TTC29: variants seen among roughly 807,000 people sequenced by gnomAD.
TTC29 encodes tetratricopeptide repeat protein 29.
TTC29 carries 49 observed loss-of-function variants against 58.1 expected under a neutral mutation model. The ratio of observed to expected loss-of-function variants is 0.84; its 90% CI spans 0.67 to 1.07. The LOEUF is 1.07. Ranked by LOEUF, TTC29 falls within the 50% of genes least tolerant of loss-of-function variation. TTC29 has a pLI of 0.00. For missense variants in TTC29, 582 were observed against 555.6 expected (o/e 1.05, Z -0.48); for synonymous variants, 209 against 196.8 (o/e 1.06, Z -0.52).
intron 8 of TTC29, among the ~76,000 whole-genome samples, chr4:146,845,010 C>A (rs1308407947): frequency 6.6e-6 from 1 of 151,534 alleles, no homozygotes; most frequent in African/African-American, 2.4e-5. Flanking sequence ...GAAAACTCAG[C>A]CCCTCGTCTT....
intron 11 of TTC29, among the ~76,000 whole-genome samples, chr4:146,753,006 C>A (rs1258452656): frequency 6.6e-6 from 1 of 152,160 alleles, no homozygotes; most frequent in African/African-American, 2.4e-5. Flanking sequence ...GACTTCATGT[C>A]TAAAAAACCA....
intron 11 of TTC29, among the ~76,000 whole-genome samples, chr4:146,714,745 G>A (rs1742800871): frequency 6.6e-6 from 1 of 152,156 alleles, no homozygotes. Flanking sequence ...CCTCAAGGCA[G>A]AAGAAAAATG....
chr4:146,728,861 A>G (rs1744098968), intron 11 of TTC29, among the ~76,000 whole-genome samples: 1 of 48,722 alleles, frequency 2.1e-5, no homozygotes, highest in Non-Finnish European at 5.4e-5. Flanking sequence ...ATATATACAC[A>G]TATATATGTG....
intron 11 of TTC29, among the ~76,000 whole-genome samples, chr4:146,773,744 T>C (rs1747889077): frequency 2.0e-5 from 3 of 152,062 alleles, no homozygotes. Context: ...AGGATGATGC[T>C]GGTCTCATAG....
At chr4:146,833,393 C>T (rs1728295121) in intron 9 of TTC29, among the ~76,000 whole-genome samples, 1 of 152,088 alleles carries the variant, frequency 6.6e-6, no homozygotes, top group African/African-American at 2.4e-5. Flanking sequence ...GGAGAGATGT[C>T]TTAATGGAAA....
intron 11 of TTC29, among the ~76,000 whole-genome samples, chr4:146,711,911 C>T (rs930663419): frequency 6.6e-6 from 1 of 151,966 alleles, no homozygotes; most frequent in African/African-American, 2.4e-5. Flanking sequence ...TTTTACAAGG[C>T]CACTGTACTG....
intron 11 of TTC29, among the ~76,000 whole-genome samples, chr4:146,747,323 G>C (rs1047799037): frequency 6.6e-6 from 1 of 152,150 alleles, no homozygotes; most frequent in African/African-American, 2.4e-5. Flanking sequence ...TACTCCAGGG[G>C]TGAGTAGCCA....
chr4:146,784,535 G>C (rs1204885279), intron 11 of TTC29, among the ~76,000 whole-genome samples: 7 of 152,054 alleles, frequency 4.6e-5, no homozygotes. Context: ...TGTGTGCAGA[G>C]CCCTCATAAA....
intron 11 of TTC29, among the ~76,000 whole-genome samples, chr4:146,778,611 T>TTGA (rs1358696624): frequency 1.3e-5 from 2 of 152,192 alleles, no homozygotes; most frequent in African/African-American, 4.8e-5. Context: ...ATTTTCAAAT[T>TTGA]TGATTGTTCA....
chr4:146,904,721 G>C (rs1474525023), intron 5 of TTC29, among the ~76,000 whole-genome samples: 1 of 152,096 alleles, frequency 6.6e-6, no homozygotes, highest in Non-Finnish European at 1.5e-5. Context: ...AGAATTCACT[G>C]ATATTAATTG....
intron 10 of TTC29, among the ~76,000 whole-genome samples, chr4:146,807,367 G>A (rs1579720329): frequency 2.0e-5 from 3 of 152,230 alleles, no homozygotes; most frequent in Admixed American, 2.0e-4. Flanking sequence ...AAAGCTAGCA[G>A]AAGGCAAGAA....
At chr4:146,768,913 ATTTAATAGTATTT>A (rs1236812932) in intron 11 of TTC29, among the ~76,000 whole-genome samples, 2 of 152,038 alleles carry the variant, frequency 1.3e-5, no homozygotes, top group African/African-American at 2.4e-5. Context: ...ATGCAGGGAA[ATTTAATAGTATTT>A]TCTAGATGTC....
rs369737464 is a variant in TTC29 at position 146,803,468 on chromosome 4, T to C, written c.1319A>G (p.Asp440Gly). The C allele has an allele frequency of 3.8e-6, 6 of 1,579,960 alleles. No individual in the cohort carries two copies. The highest frequency in any genetic ancestry group is 2.3e-5 in the South Asian group (2 of 86,400). ...AACCAATGCCTTACCAGTAACTGGA[T>C]CAGGTTCAATGTTACCTCTGCTCTC... is the stretch of plus-strand genomic sequence containing the variant. ...WKESRGNIEP[D>G]PVTEEFRGST... The change falls in exon 11 of 13, where the codon GAT becomes GGT. Residue 440 changes from aspartate (D) to glycine (G), a missense_variant. Physicochemically the swap from Asp to Gly is moderately conservative, Grantham distance 94. Transcript: ENST00000325106.
chr4:146,744,192 C>T (rs1745366862), intron 11 of TTC29, among the ~76,000 whole-genome samples: 1 of 152,092 alleles, frequency 6.6e-6, no homozygotes, highest in South Asian at 2.1e-4. Flanking sequence ...AGATGTTTCC[C>T]ATGTGGAAAT....
chr4:146,849,879 C>A (rs1579825438), intron 8 of TTC29, among the ~76,000 whole-genome samples: 1 of 152,244 alleles, frequency 6.6e-6, no homozygotes, highest in East Asian at 1.9e-4. Context: ...CTCTCACAGG[C>A]TTCCAGTCTT....
chr4:146,715,038 T>G (rs114951321), intron 11 of TTC29, among the ~76,000 whole-genome samples: 1,648 of 152,062 alleles, frequency 0.011, 21 homozygotes, highest in African/African-American at 0.037. Flanking sequence ...GGATCTTGTT[T>G]CATTGCCTAC....
chr4:146,807,924 G>C (rs1488052121), intron 10 of TTC29, among the ~76,000 whole-genome samples: 2 of 152,046 alleles, frequency 1.3e-5, no homozygotes, highest in Admixed American at 1.3e-4. Flanking sequence ...AAACCTGGTA[G>C]AGACACAACA....
chr4:146,828,855 C>T (rs1373189585), intron 9 of TTC29, among the ~76,000 whole-genome samples: 2 of 152,138 alleles, frequency 1.3e-5, no homozygotes, highest in Admixed American at 6.5e-5. Context: ...AGCCAGCAAA[C>T]TTGTTAATGT....
At chr4:146,795,118 A>C (rs1254752833) in intron 11 of TTC29, among the ~76,000 whole-genome samples, 1 of 152,154 alleles carries the variant, frequency 6.6e-6, no homozygotes, top group Non-Finnish European at 1.5e-5. Flanking sequence ...AATGAAATGA[A>C]AGGAAGAGAA....
Sources: gnomAD v4.1 joint callset for allele counts (sites outside exome capture counted in the v4.1 genomes callset) on GRCh38, gnomAD v4.1.1 for gene constraint, MANE v1.5 for transcripts, NCBI Gene and HGNC (gene_info 2026-07-23, HGNC 2026-07-21) for gene names.